EIF1AX: variants seen among roughly 807,000 people sequenced by gnomAD.
The protein encoded by EIF1AX is eukaryotic translation initiation factor 1A, X-chromosomal.
EIF1AX carries 1 observed loss-of-function variant against 16.1 expected under a neutral mutation model. The ratio of observed to expected loss-of-function variants is 0.06; its 90% CI spans 0.02 to 0.30. EIF1AX has a LOEUF of 0.30. Among genes scored for constraint, EIF1AX ranks in the 10% least tolerant of loss-of-function variants. EIF1AX has a pLI of 1.00. For missense variants in EIF1AX, 11 were observed against 109.1 expected (o/e 0.10, Z 4.00); for synonymous variants, 32 against 37.3 (o/e 0.86, Z 0.51).
At chrX:20,138,699 A>G in intron 1 of EIF1AX, 77 bp from the exon 2 acceptor site, 1 of 740,168 alleles carries the variant, frequency 1.4e-6, no homozygotes, top group African/African-American at 2.2e-5. Flanking sequence ...AATGAAATTA[A>G]GGCTTATAAA....
intron 5 of EIF1AX, 32 bp from the exon 6 acceptor site, chrX:20,130,639 A>T (rs368229071): frequency 9.6e-5 from 110 of 1,145,605 alleles, no homozygotes; most frequent in Non-Finnish European, 1.2e-4. Context: ...CTCATAAGTC[A>T]GCACTGTAAT....
chrX:20,137,279 A>C (rs1409674281), intron 2 of EIF1AX, among the ~76,000 whole-genome samples: 1 of 110,392 alleles, frequency 9.1e-6, no homozygotes, highest in Non-Finnish European at 1.9e-5. Context: ...CCCCGTCTCT[A>C]CTAAAAATAC....
In EIF1AX at chrX:20,128,219, T is replaced by C. The variant is rs2148606440; in HGVS notation, c.*87A>G. The stretch of plus-strand genomic sequence containing the variant: ...CTTTAACAAATTGCATTCATGCTAA[T>C]GAAATTTTAATCTTCTTTGTCATGA... On this transcript the variant is annotated 3_prime_UTR_variant, in exon 7 of 7. Transcript: ENST00000379607. 3.2e-6 allele frequency: 3 copies of C among 929,794 alleles called. No individual in the cohort carries two copies. The South Asian group carries it at 7.3e-5, about 23-fold the overall frequency. 76.6% of individuals were successfully genotyped at this position (929,794 alleles called of 1,213,427 possible).
chrX:20,129,896 A>G (rs1303915180), intron 6 of EIF1AX, among the ~76,000 whole-genome samples: 2 of 112,687 alleles, frequency 1.8e-5, no homozygotes, highest in African/African-American at 3.2e-5. Context: ...CTTAATGGCT[A>G]TCTCTTTAGA....
At chrX:20,134,320 G>A (rs952002849) in intron 3 of EIF1AX, among the ~76,000 whole-genome samples, 2 of 111,479 alleles carry the variant, frequency 1.8e-5, no homozygotes, top group African/African-American at 3.3e-5. Context: ...CCTGGGAGAC[G>A]GAGGTTGCAG....
chrX:20,129,738 T>C (rs2066995402), intron 6 of EIF1AX, among the ~76,000 whole-genome samples: 1 of 112,287 alleles, frequency 8.9e-6, no homozygotes, highest in African/African-American at 3.2e-5. Context: ...GCAATAGGCT[T>C]CCATTTTGAC....
chrX:20,134,265 G>A (rs1345514935), intron 3 of EIF1AX, among the ~76,000 whole-genome samples: 1 of 111,059 alleles, frequency 9.0e-6, no homozygotes, highest in Admixed American at 9.5e-5. Context: ...GCATGCCCTT[G>A]TAGTCCCAGC....
intron 4 of EIF1AX, among the ~76,000 whole-genome samples, chrX:20,133,071 C>A (rs2067005689): frequency 9.0e-6 from 1 of 111,441 alleles, no homozygotes; most frequent in Non-Finnish European, 1.9e-5. Flanking sequence ...ATTGACCACC[C>A]TGTAAGTAGG....
chrX:20,130,369 C>A, intron 6 of EIF1AX, 147 bp downstream of exon 6: 2 of 213,511 alleles, frequency 9.4e-6, no homozygotes, highest in Non-Finnish European at 7.5e-6. Context: ...CAGGTGTCTT[C>A]TAAATAATAT....
At chrX:20,132,323 C>T in intron 4 of EIF1AX, 60 bp from the exon 5 acceptor site, 1 of 696,030 alleles carries the variant, frequency 1.4e-6, no homozygotes, top group Admixed American at 2.9e-5. Context: ...TCAGTTATTT[C>T]ATAAATTCTC....
chrX:20,125,341 T>C lies in EIF1AX; in HGVS notation c.*2965A>G, dbSNP rs1325925756. The C allele has an allele frequency of 5.9e-6, 1 of 170,353 alleles. No homozygotes were observed. The highest frequency in any genetic ancestry group is 1.1e-5 in the Non-Finnish European group (1 of 88,859). 14.0% of individuals were successfully genotyped at this position (170,353 alleles called of 1,213,427 possible). A position where few individuals can be genotyped will look rare whatever the true frequency, so the allele number is the denominator to read the frequency against. On this transcript the variant is annotated 3_prime_UTR_variant, in exon 7 of 7. Coordinates refer to ENST00000379607, the MANE Select transcript of EIF1AX (RefSeq NM_001412.4). Reference sequence around the variant, plus strand: ...CTTGTGTCTTTTCACATTTTGCTCTTTTCTGAATAGGAAGAAAAAAAGCAA... The same window carrying C: ...CTTGTGTCTTTTCACATTTTGCTCTCTTCTGAATAGGAAGAAAAAAAGCAA...
rs1449534841 is a variant in EIF1AX, at chrX:20,138,623, C to T, written c.17-1G>A. The stretch of plus-strand genomic sequence containing the variant: ...CTGCGTCTGTTTTTACCTCCTTTAC[C>T]TGATGGTTTAAAAAAAAGAAAAGGA... On this transcript the variant is annotated splice_acceptor_variant, in intron 1 of 6. Transcript: ENST00000379607. LOFTEE classifies it high-confidence loss of function. 1 of 1,153,039 alleles carries T rather than the reference C, an allele frequency of 8.7e-7. No individual in the cohort carries two copies.
At position 20,124,681 on chromosome X, in the gene EIF1AX, AAAT is replaced by A. The variant is rs1164015941; in HGVS notation, c.*3622_*3624del. 3 of 142,801 alleles carry A rather than the reference AAAT, an allele frequency of 2.1e-5. No individual in the cohort carries two copies. Among genetic ancestry groups the A allele is most frequent in the Non-Finnish European group, 4.2e-5 (3 of 71,593 alleles). The allele number at this position is 142,801 out of a possible 1,213,427, so 11.8% of individuals were successfully genotyped here. On this transcript the variant is annotated 3_prime_UTR_variant, in exon 7 of 7. Transcript: ENST00000379607. ...AGGAATCACTGAAGATTTAAGAATA[AAAT>A]ATTATCAGAGGTATCAATATTAATA... is the stretch of plus-strand genomic sequence containing the variant.
rs2066989810 is a variant in EIF1AX, at chrX:20,127,800, T to C, written c.*506A>G. On this transcript the variant is annotated 3_prime_UTR_variant, in exon 7 of 7. Coordinates refer to ENST00000379607, the MANE Select transcript of EIF1AX (RefSeq NM_001412.4). Reference sequence around the variant, plus strand: ...CATGATATCAAAATCAGTATAAAAATAGCCACAGGCTACTTAAATATGACA... The same window carrying C: ...CATGATATCAAAATCAGTATAAAAACAGCCACAGGCTACTTAAATATGACA... 6.6e-6 allele frequency: 1 copy of C among 151,185 alleles called. No individual in the cohort carries two copies. Among genetic ancestry groups the C allele is most frequent in the Non-Finnish European group, 1.3e-5 (1 of 78,575 alleles). The allele number at this position is 151,185 out of a possible 1,213,427, so 12.5% of individuals were successfully genotyped here.
intron 4 of EIF1AX, 34 bp downstream of exon 4, chrX:20,133,923 A>C (rs752396421): frequency 8.9e-7 from 1 of 1,121,316 alleles, no homozygotes; most frequent in Admixed American, 2.4e-5. Flanking sequence ...AATTCAAGCC[A>C]GTAAAATAGG....
intron 1 of EIF1AX, chrX:20,140,236 G>A (rs754694163): frequency 8.9e-6 from 1 of 112,168 alleles, no homozygotes; most frequent in African/African-American, 3.2e-5. Context: ...TCGACAGGAG[G>A]TAGGTGACTT....
At chrX:20,139,844 C>T (rs2067028562) in intron 1 of EIF1AX, 1 of 112,390 alleles carries the variant, frequency 8.9e-6, no homozygotes, top group Non-Finnish European at 1.9e-5. Flanking sequence ...TTACCTCAAT[C>T]TGCGCTGTAA....
chrX:20,132,286 T>G, intron 4 of EIF1AX, 23 bp from the exon 5 acceptor site: 1 of 1,013,518 alleles, frequency 9.9e-7, no homozygotes, highest in Non-Finnish European at 1.4e-6. Context: ...CAAATAACTT[T>G]AAAAAACTGA....
At chrX:20,131,462 G>A (rs188259364) in intron 5 of EIF1AX, among the ~76,000 whole-genome samples, 7 of 109,750 alleles carry the variant, frequency 6.4e-5, no homozygotes, top group South Asian at 4.0e-4. Flanking sequence ...GTGAAACCCC[G>A]TCTCTACTAA....
Sources: allele counts gnomAD v4.1 joint callset (sites outside exome capture counted in the v4.1 genomes callset), GRCh38; gene constraint gnomAD v4.1.1; transcripts MANE v1.5; gene names NCBI Gene and HGNC (gene_info 2026-07-23, HGNC 2026-07-21).